The following HAUS7 variants were observed in gnomAD, a reference collection of about 807,000 sequenced individuals.
HAUS7 encodes the protein HAUS augmin like complex subunit 7.
A neutral mutation model predicts 28.4 loss-of-function variants in HAUS7; 3 were observed. The observed-to-expected ratio is 0.11, with a 90% CI of 0.05 to 0.27. The LOEUF (loss-of-function observed/expected upper bound fraction) is 0.27. Ranked by LOEUF, HAUS7 falls within the 10% of genes least tolerant of loss-of-function variation. HAUS7 has a pLI of 1.00. For synonymous variants in HAUS7, 165 were observed against 132.1 expected (o/e 1.25, Z -1.71); for missense variants, 284 against 297.3 (o/e 0.96, Z 0.33).
At chrX:153,491,462 C>A (rs1321298789) in intron 1 of HAUS7, among the ~76,000 whole-genome samples, 2 of 112,849 alleles carry the variant, frequency 1.8e-5, no homozygotes, top group Non-Finnish European at 3.8e-5. Context: ...GAGATGGCAG[C>A]TGGCTTAGAT....
At chrX:153,494,071 A>G (rs2089689190) in intron 1 of HAUS7, among the ~76,000 whole-genome samples, 1 of 111,835 alleles carries the variant, frequency 8.9e-6, no homozygotes, top group Admixed American at 9.4e-5. Flanking sequence ...AGAAGGGGAC[A>G]CTACGGGACA....
chrX:153,476,129 A>G (rs1408234176), intron 1 of HAUS7, among the ~76,000 whole-genome samples: 1 of 112,048 alleles, frequency 8.9e-6, no homozygotes, highest in East Asian at 2.8e-4. Context: ...ACCGCCACAG[A>G]CACCTTCCCA....
intron 9 of HAUS7, among the ~76,000 whole-genome samples, chrX:153,448,206 C>T (rs113049637): frequency 0.11 from 12,026 of 109,975 alleles, 1,621 homozygotes; most frequent in African/African-American, 0.37. Flanking sequence ...TGGAATACTA[C>T]GCGGCCCATA....
chrX:153,492,427 C>T (rs1556989806), intron 1 of HAUS7, among the ~76,000 whole-genome samples: 1 of 111,704 alleles, frequency 9.0e-6, no homozygotes, highest in African/African-American at 3.3e-5. Context: ...GGGCCCTAGC[C>T]AGGCCGAGTG....
chrX:153,475,175 C>T (rs138691389), upstream of HAUS7, among the ~76,000 whole-genome samples: 335 of 112,502 alleles, frequency 3.0e-3, 2 homozygotes, highest in African/African-American at 0.01. Flanking sequence ...ACGCTATGGG[C>T]GGGAATGAAC....
At chrX:153,477,416 A>G (rs2089569423) in intron 1 of HAUS7, among the ~76,000 whole-genome samples, 2 of 113,598 alleles carry the variant, frequency 1.8e-5, no homozygotes, top group African/African-American at 6.4e-5. Flanking sequence ...CAGCTCAGGC[A>G]GGGACCTACC....
rs1569530357 is a variant in HAUS7, at chrX:153,447,708, CGTCT to C, written c.*166_*169del. 3.5e-6 allele frequency: 2 copies of C among 570,442 alleles called. No individual in the cohort carries two copies. Among genetic ancestry groups the C allele is most frequent in the Admixed American group, 2.2e-5 (1 of 45,018 alleles). 47.0% of individuals were successfully genotyped at this position (570,442 alleles called of 1,213,427 possible). A position where few individuals can be genotyped will look rare whatever the true frequency, so the allele number is the denominator to read the frequency against. On this transcript the variant is annotated 3_prime_UTR_variant, in exon 10 of 10. Coordinates refer to ENST00000370211, the MANE Select transcript of HAUS7 (RefSeq NM_001385482.1). The stretch of plus-strand genomic sequence containing the variant: ...TTCTTTGTGTCCAAGTCAAACCGCC[CGTCT>C]GTCTCTCCCTCCCCAAAGGGGCCAA...
At chrX:153,489,042 G>A (rs1459874471) in intron 1 of HAUS7, among the ~76,000 whole-genome samples, 2 of 112,878 alleles carry the variant, frequency 1.8e-5, no homozygotes, top group African/African-American at 6.4e-5. Context: ...GGCCAAGGGA[G>A]AAGCTGGGCT....
At chrX:153,485,941 G>C (rs1235293207) in intron 1 of HAUS7, 2 of 969,537 alleles carry the variant, frequency 2.1e-6, no homozygotes, top group Admixed American at 6.3e-5. Flanking sequence ...CCCACAACAG[G>C]CTGCAGGCTG....
At chrX:153,491,813 G>A (rs372640582) in intron 1 of HAUS7, among the ~76,000 whole-genome samples, 62 of 113,252 alleles carry the variant, frequency 5.5e-4, no homozygotes, top group Non-Finnish European at 1.0e-3. Flanking sequence ...GTCAGGTGGA[G>A]AGAGCTGAGC....
intron 4 of HAUS7, among the ~76,000 whole-genome samples, chrX:153,459,918 A>G (rs1307212671): frequency 8.9e-6 from 1 of 111,919 alleles, no homozygotes; most frequent in Non-Finnish European, 1.9e-5. Context: ...CAGAGGGCTG[A>G]GGTGGGAGGA....
intron 4 of HAUS7, among the ~76,000 whole-genome samples, chrX:153,457,485 G>A (rs1454949711): frequency 8.8e-6 from 1 of 113,410 alleles, no homozygotes; most frequent in Non-Finnish European, 1.9e-5. Flanking sequence ...ACATACAGGA[G>A]CATATGTGTC....
chrX:153,456,023 C>A (rs1364218302), intron 7 of HAUS7, among the ~76,000 whole-genome samples: 1 of 112,583 alleles, frequency 8.9e-6, no homozygotes, highest in East Asian at 2.8e-4. Flanking sequence ...GCCAGGAGGA[C>A]CACGTGCGGC....
chrX:153,470,381 C>G, intron 1 of HAUS7, 69 bp downstream of exon 1: 1 of 1,094,277 alleles, frequency 9.1e-7, no homozygotes, highest in South Asian at 1.9e-5. Flanking sequence ...CCGCAGCAAG[C>G]CCTCCCGGGC....
At chrX:153,454,844 AG>A (rs781815035) in intron 8 of HAUS7, 3 of 935,400 alleles carry the variant, frequency 3.2e-6, no homozygotes, top group East Asian at 9.9e-5. Flanking sequence ...AAATGTCCCA[AG>A]AAAAATGGAC....
At chrX:153,464,955 G>A (rs1414363063) in intron 3 of HAUS7, 33 bp downstream of exon 3, 1 of 1,013,407 alleles carries the variant, frequency 9.9e-7, no homozygotes, top group East Asian at 3.0e-5. Flanking sequence ...GGAGGCTGTG[G>A]ACAAGCTCAG....
At chrX:153,467,025 G>A (rs952493799) in intron 2 of HAUS7, among the ~76,000 whole-genome samples, 3 of 111,659 alleles carry the variant, frequency 2.7e-5, no homozygotes, top group Admixed American at 9.4e-5. Context: ...CCTCCTACCC[G>A]TCCCTCTCTG....
chrX:153,492,384 C>T (rs1749650752), intron 1 of HAUS7, among the ~76,000 whole-genome samples: 1 of 110,849 alleles, frequency 9.0e-6, no homozygotes, highest in East Asian at 2.9e-4. Context: ...GGGAGTGGCC[C>T]CCAAATTAGA....
chrX:153,481,926 G>A (rs1024896326), intron 1 of HAUS7: 1 of 739,770 alleles, frequency 1.4e-6, no homozygotes, highest in Admixed American at 8.7e-5. Flanking sequence ...TGCCTTCAAG[G>A]TATGCTGTGG....
Sources: gnomAD v4.1 joint callset for allele counts (sites outside exome capture counted in the v4.1 genomes callset) on GRCh38, gnomAD v4.1.1 for gene constraint, MANE v1.5 for transcripts, NCBI Gene and HGNC (gene_info 2026-07-23, HGNC 2026-07-21) for gene names.